Variants in NEXMIF observed in about 807,000 individuals in gnomAD.
NEXMIF encodes the protein XLMR protein related to neurite extension.
Under a neutral mutation model 62.1 loss-of-function variants are expected in NEXMIF, and 8 were observed. The ratio of observed to expected loss-of-function variants is 0.13; its 90% CI spans 0.08 to 0.23. The LOEUF (loss-of-function observed/expected upper bound fraction) is 0.23, where lower values mean the gene tolerates loss of function less well. NEXMIF is among the 10% of genes least tolerant of loss of function. The pLI, the probability that NEXMIF is intolerant of heterozygous loss-of-function variation, is 1.00. For missense variants in NEXMIF, 976 were observed against 1,113.3 expected, an observed-to-expected ratio of 0.88 and a Z score of 1.75; for synonymous variants, 404 against 416.6, an observed-to-expected ratio of 0.97 and a Z score of 0.37.
At chrX:74,877,657 T>G (rs1320780722) in intron 1 of NEXMIF, among the ~76,000 whole-genome samples, 3 of 111,650 alleles carry the variant, frequency 2.7e-5, no homozygotes, top group Non-Finnish European at 5.6e-5. Context: ...TCTTTTCACA[T>G]AGTCCCATAT....
chrX:74,877,473 A>C (rs1295930164), intron 1 of NEXMIF, among the ~76,000 whole-genome samples: 1 of 110,354 alleles, frequency 9.1e-6, no homozygotes, highest in African/African-American at 3.3e-5. Context: ...TGTGTCTTGG[A>C]GTTGCTCTTC....
At chrX:74,873,941 C>T (rs1270403800) in intron 1 of NEXMIF, among the ~76,000 whole-genome samples, 7 of 111,049 alleles carry the variant, frequency 6.3e-5, no homozygotes, top group African/African-American at 9.8e-5. Context: ...ATTTTGTAGG[C>T]TGCCTGTTCA....
chrX:74,818,740 T>A (rs977947746), intron 1 of NEXMIF, among the ~76,000 whole-genome samples: 5 of 111,962 alleles, frequency 4.5e-5, no homozygotes, highest in African/African-American at 9.7e-5. Flanking sequence ...CTAGCATCTA[T>A]AAGGAACTTA....
rs1602212711 is a variant in NEXMIF at position 74,743,896 on chromosome X, C to T, written c.661G>A (p.Glu221Lys). ...KSRAGDRRETEKPDIDLEDPA... is the reference protein window; with the variant it reads ...KSRAGDRRETKKPDIDLEDPA... Reference sequence around the variant, plus strand: ...TCCTCCAAGTCAATGTCAGGTTTCTCAGTTTCTCGTCTGTCTCCTGCCCTT... The same window carrying T: ...TCCTCCAAGTCAATGTCAGGTTTCTTAGTTTCTCGTCTGTCTCCTGCCCTT... The change falls in exon 3 of 4, where the codon GAG becomes AAG. Residue 221 changes from glutamate (E) to lysine (K), a missense_variant. By Grantham distance (56) the Glu-to-Lys change is moderately conservative. This residue lies in a region of NEXMIF where 45 missense variants were observed against 86.8 expected (regional missense o/e 0.52). Transcript: ENST00000055682. 1 of 1,211,567 alleles carries T rather than the reference C, an allele frequency of 8.3e-7. No individual in the cohort carries two copies. Among genetic ancestry groups the T allele is most frequent in the East Asian group, 3.0e-5 (1 of 33,842 alleles).
At position 74,739,500 on chromosome X, in the gene NEXMIF, T is replaced by C. The variant is rs748987591; in HGVS notation, c.4458-2A>G. 5.2e-6 allele frequency: 6 copies of C among 1,164,695 alleles called. No homozygotes were observed. The highest frequency in any genetic ancestry group is 7.0e-6 in the Non-Finnish European group (6 of 861,384). ...TTTAGGAGATTGTAGTCGGAATCCC[T>C]GCAGAAAAATCAAACAATTTATGCC... On this transcript the variant is annotated splice_acceptor_variant, in intron 3 of 3. Transcript: ENST00000055682. LOFTEE classifies it high-confidence loss of function.
intron 1 of NEXMIF, among the ~76,000 whole-genome samples, chrX:74,886,389 T>A (rs1233441077): frequency 9.0e-6 from 1 of 111,659 alleles, no homozygotes; most frequent in African/African-American, 3.3e-5. Flanking sequence ...TGATTGCATA[T>A]CTGGAAAACC....
At chrX:74,878,533 G>A (rs1052220901) in intron 1 of NEXMIF, among the ~76,000 whole-genome samples, 1 of 112,643 alleles carries the variant, frequency 8.9e-6, no homozygotes, top group Non-Finnish European at 1.9e-5. Flanking sequence ...CAAGCTTCCT[G>A]GCTGCTTTGT....
chrX:74,875,972 G>GT (rs745535406), intron 1 of NEXMIF, among the ~76,000 whole-genome samples: 4 of 110,950 alleles, frequency 3.6e-5, no homozygotes, highest in South Asian at 7.7e-4. Context: ...TTTTTTGAAG[G>GT]TTTTTTTGTG....
intron 1 of NEXMIF, among the ~76,000 whole-genome samples, chrX:74,847,891 C>T: frequency 9.0e-6 from 1 of 111,363 alleles, no homozygotes; most frequent in Non-Finnish European, 1.9e-5. Flanking sequence ...TCTCACTCAT[C>T]TCATCAAATG....
intron 1 of NEXMIF, among the ~76,000 whole-genome samples, chrX:74,746,259 C>T (rs769934415): frequency 7.1e-5 from 8 of 112,147 alleles, no homozygotes; most frequent in Non-Finnish European, 1.3e-4. Flanking sequence ...CTTGGTTTCT[C>T]GACTTCCAGG....
At chrX:74,898,109 G>A (rs1400383615) in intron 1 of NEXMIF, among the ~76,000 whole-genome samples, 2 of 111,768 alleles carry the variant, frequency 1.8e-5, no homozygotes, top group Non-Finnish European at 3.8e-5. Context: ...ACTGCCCAAA[G>A]TGATTATTTC....
At chrX:74,833,913 A>G (rs1453540286) in intron 1 of NEXMIF, among the ~76,000 whole-genome samples, 1 of 110,649 alleles carries the variant, frequency 9.0e-6, no homozygotes. Flanking sequence ...TGGGAGGCCG[A>G]GGCAGGCAGA....
At position 74,821,171 on chromosome X, in the gene NEXMIF, C is replaced by T. The variant is rs191295085; in HGVS notation, c.-47-75474G>A. 5.0e-3 allele frequency among the ~76,000 whole-genome samples: 557 copies of T among 111,207 alleles called. 4 individuals carry two copies. The highest frequency in any genetic ancestry group is 0.017 in the African/African-American group (529 of 30,613). ...CTCTTCTGAGATGGACCCTTTCCTG[C>T]CCTCTCTTCTTATACCTCTCCCATT... On this transcript the variant is annotated intron_variant, in intron 1 of 3. Transcript: ENST00000055682.
At chrX:74,885,702 T>G (rs1023172486) in intron 1 of NEXMIF, among the ~76,000 whole-genome samples, 3 of 111,748 alleles carry the variant, frequency 2.7e-5, no homozygotes, top group African/African-American at 9.8e-5. Context: ...GATTCACAGC[T>G]GAATTCTACC....
intron 1 of NEXMIF, among the ~76,000 whole-genome samples, chrX:74,766,559 G>A (rs1484323302): frequency 1.8e-5 from 2 of 111,740 alleles, no homozygotes; most frequent in African/African-American, 3.3e-5. Context: ...TTCTTGTCTT[G>A]TGTTTTTCAG....
intron 1 of NEXMIF, among the ~76,000 whole-genome samples, chrX:74,762,963 T>C (rs1305363725): frequency 8.9e-6 from 1 of 112,090 alleles, no homozygotes; most frequent in African/African-American, 3.2e-5. Context: ...AGAAGCTCTT[T>C]AGTTTAATTA....
At chrX:74,740,007 G>T (rs1457020048) in intron 3 of NEXMIF, 93 bp downstream of exon 3, 2 of 799,276 alleles carry the variant, frequency 2.5e-6, no homozygotes, top group Non-Finnish European at 3.6e-6. Context: ...GCAAATTTTT[G>T]CTTTCAAGAG....
At chrX:74,850,853 C>A (rs1028767287) in intron 1 of NEXMIF, among the ~76,000 whole-genome samples, 3 of 109,990 alleles carry the variant, frequency 2.7e-5, no homozygotes, top group Non-Finnish European at 5.7e-5. Context: ...AATAATTATT[C>A]TCCAGCAAAA....
chrX:74,899,814 G>GA (rs2080743551), intron 1 of NEXMIF, among the ~76,000 whole-genome samples: 1 of 111,340 alleles, frequency 9.0e-6, no homozygotes, highest in African/African-American at 3.3e-5. Flanking sequence ...GGCAGCCAAA[G>GA]AAAAAATAGA....
Sources: gnomAD v4.1 joint callset for allele counts (sites outside exome capture counted in the v4.1 genomes callset) on GRCh38, gnomAD v4.1.1 for gene constraint, gnomAD v4.1.1 regional missense constraint, MANE v1.5 for transcripts, NCBI Gene and HGNC (gene_info 2026-07-23, HGNC 2026-07-21) for gene names.